The following SPNS2 variants were observed in gnomAD, a reference collection of about 807,000 sequenced individuals.
The protein encoded by SPNS2 is SPNS lysolipid transporter 2, sphingosine-1-phosphate.
A neutral mutation model predicts 57.6 loss-of-function variants in SPNS2; 37 were observed. That is an observed-to-expected ratio of 0.64 (90% CI 0.49 to 0.85). SPNS2 has a LOEUF of 0.85. SPNS2 is among the 40% of genes least tolerant of loss of function. The pLI is 0.00. For missense variants in SPNS2, 831 were observed against 779.1 expected (o/e 1.07, Z -0.79); for synonymous variants, 440 against 346.9 (o/e 1.27, Z -2.98).
rs12945562 is a variant in SPNS2, at chr17:4,536,500, C to G, written c.1607+74C>G. 0.099 allele frequency: 150,080 copies of G among 1,508,866 alleles called. 8,954 individuals are homozygous for G. Among genetic ancestry groups the G allele is most frequent in the Non-Finnish European group, 0.12 (128,905 of 1,113,364 alleles). The allele number at this position is 1,508,866 out of a possible 1,614,324, so 93.5% of individuals were successfully genotyped here. A position where few individuals can be genotyped will look rare whatever the true frequency, so the allele number is the denominator to read the frequency against. ...CCGTGATAGCCACCGTGAGCCCTGC[C>G]CTGGGGTGGGGCGGGGAGGGTACAG... On this transcript the variant is annotated intron_variant, in intron 11 of 12. Transcript: ENST00000329078.
Position 4,538,261 on chromosome 17 carries a change from C to G in SPNS2, c.*813C>G. 5.1e-6 allele frequency: 1 copy of G among 195,288 alleles called. No homozygotes were observed. The highest frequency in any genetic ancestry group is 2.3e-5 in the African/African-American group (1 of 42,778). The allele number at this position is 195,288 out of a possible 1,614,324, so 12.1% of individuals were successfully genotyped here. On this transcript the variant is annotated 3_prime_UTR_variant, in exon 13 of 13. Coordinates refer to ENST00000329078, the MANE Select transcript of SPNS2 (RefSeq NM_001124758.3). Reference sequence around the variant, plus strand: ...CCTGCCACCACCCCCCAAGCCAGGACCCCACTCCTTCCCCGAGGCTGAGCT... The same window carrying G: ...CCTGCCACCACCCCCCAAGCCAGGAGCCCACTCCTTCCCCGAGGCTGAGCT...
At chr17:4,525,368 C>G (rs1195635826) in intron 3 of SPNS2, among the ~76,000 whole-genome samples, 175 bp downstream of exon 3, 1 of 152,222 alleles carries the variant, frequency 6.6e-6, no homozygotes. Flanking sequence ...ATAAACCAGC[C>G]CTGCGGCTGG....
At chr17:4,536,562 G>A (rs895551035) in intron 11 of SPNS2, 136 bp downstream of exon 11, 9 of 1,153,754 alleles carry the variant, frequency 7.8e-6, no homozygotes, top group Non-Finnish European at 6.0e-6. Flanking sequence ...TGGTTGCTGG[G>A]GTCCAGCCCT....
At chr17:4,536,813 G>A in intron 11 of SPNS2, 87 bp from the exon 12 acceptor site, 1 of 1,119,872 alleles carries the variant, frequency 8.9e-7, no homozygotes, top group Non-Finnish European at 1.3e-6. Context: ...CCGGTCAGCT[G>A]GCCCCCACGA....
At chr17:4,506,429 CTGG>C (rs2144308784) in intron 1 of SPNS2, among the ~76,000 whole-genome samples, 1 of 152,322 alleles carries the variant, frequency 6.6e-6, no homozygotes, top group South Asian at 2.1e-4. Context: ...TCCCTGGCCC[CTGG>C]TGGTCTTGGG....
chr17:4,511,492 A>C lies in SPNS2; in HGVS notation c.371-1755A>C, dbSNP rs897341033. The stretch of plus-strand genomic sequence containing the variant: ...ACTGTGCCACAGAGGGATGGGATCA[A>C]ACCTACACATCAGGAGGGGGAACAG... On this transcript the variant is annotated intron_variant, in intron 1 of 12. Coordinates refer to ENST00000329078, the MANE Select transcript of SPNS2 (RefSeq NM_001124758.3). This position sits in a 1 kb window ranked among gnomAD's most constrained non-coding sequence, Gnocchi z 4.6. Among the ~76,000 whole-genome samples, 1 of 152,190 alleles carries C rather than the reference A, an allele frequency of 6.6e-6. No homozygotes were observed. Among genetic ancestry groups the C allele is most frequent in the East Asian group, 1.9e-4 (1 of 5,196 alleles).
chr17:4,532,645 G>T lies in SPNS2; in HGVS notation c.896G>T (p.Arg299Leu). 1 of 1,614,008 alleles carries T rather than the reference G, an allele frequency of 6.2e-7. No homozygotes were observed. The highest frequency in any genetic ancestry group is 8.5e-7 in the Non-Finnish European group (1 of 1,179,972). ...ADQLGDQLKARTSWLRDMKAL... is the reference protein window; with the variant it reads ...ADQLGDQLKALTSWLRDMKAL... ...CAGCTCGGGGACCAGCTCAAGGCCC[G>T]GACCTCATGGCTCCGAGATATGAAG... is the stretch of plus-strand genomic sequence containing the variant. Residue 299 changes from arginine to leucine, a missense_variant, in exon 6 of 13, where the codon CGG becomes CTG. Arg to Leu is a moderately radical substitution (Grantham distance 102). Transcript: ENST00000329078.
intron 1 of SPNS2, among the ~76,000 whole-genome samples, chr17:4,507,191 A>T (rs1904705587): frequency 6.6e-6 from 1 of 152,148 alleles, no homozygotes; most frequent in South Asian, 2.1e-4. Context: ...GCCAAGCGGG[A>T]GCAGGGGTAA....
chr17:4,528,611 C>A, intron 3 of SPNS2, among the ~76,000 whole-genome samples: 1 of 152,090 alleles, frequency 6.6e-6, no homozygotes, highest in Non-Finnish European at 1.5e-5. Flanking sequence ...CGCGTAGCTG[C>A]GATTATAGGC....
At chr17:4,534,931 G>A (rs1375881158) in intron 9 of SPNS2, among the ~76,000 whole-genome samples, 1 of 152,146 alleles carries the variant, frequency 6.6e-6, no homozygotes, top group Admixed American at 6.5e-5. Flanking sequence ...GGGAAATCGC[G>A]TCCCGGTTTA....
In SPNS2 at chr17:4,538,121, G is replaced by A. The variant is rs2144394439; in HGVS notation, c.*673G>A. ...GGAGGTCCCAGATGGGGACTGTTCTGACAAGCTGGCATCACCAGGGGTGAA... is the reference window on the plus strand; with the variant it reads ...GGAGGTCCCAGATGGGGACTGTTCTAACAAGCTGGCATCACCAGGGGTGAA... On this transcript the variant is annotated 3_prime_UTR_variant, in exon 13 of 13. Coordinates refer to ENST00000329078, the MANE Select transcript of SPNS2 (RefSeq NM_001124758.3). 1 of 311,430 alleles carries A rather than the reference G, an allele frequency of 3.2e-6. No homozygotes were observed. The highest frequency in any genetic ancestry group is 2.8e-5 in the South Asian group (1 of 35,132). The allele number at this position is 311,430 out of a possible 1,614,324, so 19.3% of individuals were successfully genotyped here.
At chr17:4,523,880 A>G (rs77906749) in intron 2 of SPNS2, among the ~76,000 whole-genome samples, 3,226 of 152,090 alleles carry the variant, frequency 0.021, 89 homozygotes, top group African/African-American at 0.065. Flanking sequence ...TTTATTGTCT[A>G]TTTCTCCTCA....
At chr17:4,523,177 G>A (rs1043258684) in intron 2 of SPNS2, among the ~76,000 whole-genome samples, 11 of 152,230 alleles carry the variant, frequency 7.2e-5, no homozygotes, top group Non-Finnish European at 1.6e-4. Flanking sequence ...AGTGGCTCAC[G>A]CCTGTAATCC....
chr17:4,501,816 A>G (rs1904521261), intron 1 of SPNS2, among the ~76,000 whole-genome samples: 1 of 152,170 alleles, frequency 6.6e-6, no homozygotes, highest in Non-Finnish European at 1.5e-5. Flanking sequence ...TCAATTGCTC[A>G]GTCTTTGATG....
At chr17:4,508,171 C>T (rs1184149618) in intron 1 of SPNS2, among the ~76,000 whole-genome samples, 3 of 152,116 alleles carry the variant, frequency 2.0e-5, no homozygotes, top group African/African-American at 4.8e-5. Flanking sequence ...CTGGTAGACG[C>T]GACTTTGGAT....
rs772518473 is a variant in SPNS2, at chr17:4,536,379, C to T, written c.1560C>T (p.Leu520=). 140 of 1,608,168 alleles carry T rather than the reference C, an allele frequency of 8.7e-5. No homozygotes were observed. Among genetic ancestry groups the T allele is most frequent in the Non-Finnish European group, 1.1e-4 (135 of 1,179,898 alleles). The change falls in exon 11 of 13, where the codon CTC becomes CTT. Residue 520 remains leucine (L), a synonymous_variant. Transcript: ENST00000329078. ...FVVVLGGMFF[L]ATALFFVSDR... ...TGGTCCTGGGCGGCATGTTCTTCCTCGCCACTGCGCTCTTCTTCGTCAGCG... is the reference window on the plus strand; with the variant it reads ...TGGTCCTGGGCGGCATGTTCTTCCTTGCCACTGCGCTCTTCTTCGTCAGCG...
In SPNS2 at chr17:4,536,430, A is replaced by G. The variant is rs1905809631; in HGVS notation, c.1607+4A>G. The G allele has an allele frequency of 1.3e-6, 2 of 1,492,568 alleles. No individual in the cohort carries two copies. Among genetic ancestry groups the G allele is most frequent in the Non-Finnish European group, 1.8e-6 (2 of 1,107,932 alleles). 92.5% of individuals were successfully genotyped at this position (1,492,568 alleles called of 1,614,324 possible). A position where few individuals can be genotyped will look rare whatever the true frequency, so the allele number is the denominator to read the frequency against. ...ACCGCGCCAGGGCTGAGCAGCAGTG[A>G]GTGGGGGGGAGGGGAGGCCCTGCTG... On this transcript the variant is annotated splice_donor_region_variant and intron_variant, in intron 11 of 12. Transcript: ENST00000329078.
chr17:4,537,080 G>A (rs988020529), intron 12 of SPNS2, 134 bp downstream of exon 12: 5 of 1,002,266 alleles, frequency 5.0e-6, no homozygotes, highest in South Asian at 1.5e-5. Context: ...CTTTGTCTCT[G>A]AAGATGTTGC....
intron 11 of SPNS2, 114 bp downstream of exon 11, chr17:4,536,540 C>T (rs775140305): frequency 8.6e-6 from 11 of 1,278,552 alleles, no homozygotes; most frequent in Admixed American, 2.4e-5. Flanking sequence ...CCCATGCACT[C>T]AGTGCACCCA....
Sources: allele counts gnomAD v4.1 joint callset (sites outside exome capture counted in the v4.1 genomes callset), GRCh38; gene constraint gnomAD v4.1.1; non-coding constraint Gnocchi (gnomAD v3.1); transcripts MANE v1.5; gene names NCBI Gene and HGNC (gene_info 2026-07-23, HGNC 2026-07-21).